SYT16: variants seen among roughly 807,000 people sequenced by gnomAD.
SYT16 encodes the protein synaptotagmin-16.
In SYT16, 42 loss-of-function variants were observed where a neutral mutation model predicts 61.4. The observed-to-expected ratio is 0.68, with a 90% CI of 0.53 to 0.89. The LOEUF (loss-of-function observed/expected upper bound fraction) is 0.89, where lower values mean the gene tolerates loss of function less well. Among genes scored for constraint, SYT16 ranks in the 40% least tolerant of loss-of-function variants. The pLI, the probability that SYT16 is intolerant of heterozygous loss-of-function variation, is 0.00. For synonymous variants in SYT16, 314 were observed against 302.3 expected, an observed-to-expected ratio of 1.04 and a Z score of -0.40; for missense variants, 804 against 807.3, an observed-to-expected ratio of 1.00 and a Z score of 0.05.
At chr14:61,925,211 C>A (rs976489268) in intron 1 of SYT16, among the ~76,000 whole-genome samples, 2 of 152,142 alleles carry the variant, frequency 1.3e-5, no homozygotes, top group African/African-American at 4.8e-5. Flanking sequence ...TCTTCGATTG[C>A]TTTTTCAATT....
At chr14:61,927,600 T>C (rs1423869211) in intron 1 of SYT16, among the ~76,000 whole-genome samples, 1 of 152,190 alleles carries the variant, frequency 6.6e-6, no homozygotes, top group Non-Finnish European at 1.5e-5. Flanking sequence ...ATGTGTTTTT[T>C]AAAAAATGAT....
At chr14:62,002,286 C>T (rs993995685) in intron 3 of SYT16, among the ~76,000 whole-genome samples, 25 of 152,002 alleles carry the variant, frequency 1.6e-4, no homozygotes, top group African/African-American at 4.8e-4. Context: ...TTGTTGTTAT[C>T]GTTCATCTCA....
chr14:62,022,475 C>T (rs2053947822), intron 3 of SYT16, among the ~76,000 whole-genome samples: 1 of 152,036 alleles, frequency 6.6e-6, no homozygotes, highest in African/African-American at 2.4e-5. Flanking sequence ...AGCAGTTTTA[C>T]CATGATGTAT....
intron 2 of SYT16, among the ~76,000 whole-genome samples, chr14:61,976,715 G>A (rs1372202333): frequency 1.3e-5 from 2 of 152,038 alleles, no homozygotes; most frequent in African/African-American, 2.4e-5. Context: ...AAAACATTTT[G>A]TCCTCCTAGG....
chr14:61,883,605 T>A (rs1330913485), intron 1 of SYT16, among the ~76,000 whole-genome samples: 4 of 152,202 alleles, frequency 2.6e-5, no homozygotes, highest in South Asian at 2.1e-4. Flanking sequence ...CATTTTTCTG[T>A]CATCTGAGCC....
In SYT16 at chr14:62,081,175, A is replaced by G. The variant is rs753630145; in HGVS notation, c.1335A>G (p.Arg445=). 6.2e-7 allele frequency: 1 copy of G among 1,613,970 alleles called. No individual in the cohort carries two copies. Among genetic ancestry groups the G allele is most frequent in the Non-Finnish European group, 8.5e-7 (1 of 1,179,890 alleles). The change falls in exon 6 of 8, where the codon CGA becomes CGG. Residue 445 remains arginine, a synonymous_variant. Coordinates refer to ENST00000683842, the MANE Select transcript of SYT16 (RefSeq NM_001367656.1). Reference sequence around the variant, plus strand: ...TGTACGCTGCCCGGAAGATGACCCGAGAGAGAATGATGGGAGAGAAACTAT... The same window carrying G: ...TGTACGCTGCCCGGAAGATGACCCGGGAGAGAATGATGGGAGAGAAACTAT... ...FRLYAARKMT[R]ERMMGEKLFY...
chr14:61,912,354 T>G (rs1398037357), intron 1 of SYT16, among the ~76,000 whole-genome samples: 1 of 152,234 alleles, frequency 6.6e-6, no homozygotes, highest in African/African-American at 2.4e-5. Context: ...TGACAGCGTT[T>G]CACACAAATG....
intron 3 of SYT16, among the ~76,000 whole-genome samples, chr14:62,054,891 T>C (rs2055477264): frequency 6.6e-6 from 1 of 152,186 alleles, no homozygotes; most frequent in Non-Finnish European, 1.5e-5. Flanking sequence ...GCTAGAAAGC[T>C]AGAAACTCAC....
intron 3 of SYT16, among the ~76,000 whole-genome samples, chr14:62,016,514 T>G (rs2053684663): frequency 7.3e-6 from 1 of 136,838 alleles, no homozygotes; most frequent in Non-Finnish European, 1.5e-5. Context: ...TAACACGGTG[T>G]GAAACCCTGT....
At chr14:61,986,217 A>C (rs891464003) in intron 2 of SYT16, among the ~76,000 whole-genome samples, 27 of 152,082 alleles carry the variant, frequency 1.8e-4, no homozygotes, top group Non-Finnish European at 2.6e-4. Flanking sequence ...GTTATTTATT[A>C]AGTTGTTTAA....
chr14:62,073,690 T>G (rs1025653391), intron 4 of SYT16, among the ~76,000 whole-genome samples: 3 of 152,192 alleles, frequency 2.0e-5, no homozygotes, highest in Non-Finnish European at 4.4e-5. Context: ...AAGATGTTTT[T>G]GTATGGTCTG....
rs76061042 is a variant in SYT16, at chr14:61,865,710, T to C, written c.-325+52900T>C. Among the ~76,000 whole-genome samples the C allele has an allele frequency of 7.9e-3, 1,201 of 152,324 alleles. 21 individuals are homozygous for C. Among genetic ancestry groups the C allele is most frequent in the African/African-American group, 0.028 (1,159 of 41,568 alleles). Reference sequence around the variant, plus strand: ...AAAGAGTTTTAAAAATTGTTATATATTGGGTGACTTATTAATGGATTATAC... The same window carrying C: ...AAAGAGTTTTAAAAATTGTTATATACTGGGTGACTTATTAATGGATTATAC... On this transcript the variant is annotated intron_variant, in intron 1 of 7. Coordinates refer to ENST00000683842, the MANE Select transcript of SYT16 (RefSeq NM_001367656.1).
intron 3 of SYT16, among the ~76,000 whole-genome samples, chr14:62,026,516 T>G (rs1447855580): frequency 2.6e-5 from 4 of 152,210 alleles, no homozygotes; most frequent in Non-Finnish European, 1.5e-5. Flanking sequence ...GTCTTAGTCC[T>G]ATTCAGGAAG....
At chr14:61,842,532 C>T (rs1407867955) in intron 1 of SYT16, among the ~76,000 whole-genome samples, 1 of 152,030 alleles carries the variant, frequency 6.6e-6, no homozygotes, top group Non-Finnish European at 1.5e-5. Context: ...CTGAATAGTA[C>T]TCTATTGTGT....
intron 1 of SYT16, among the ~76,000 whole-genome samples, chr14:61,939,952 C>A (rs898282024): frequency 6.6e-6 from 1 of 152,150 alleles, no homozygotes; most frequent in Non-Finnish European, 1.5e-5. Context: ...CTGATGTCAT[C>A]TGGGGGCTTT....
chr14:61,916,279 T>G (rs983222557), intron 1 of SYT16, among the ~76,000 whole-genome samples: 10 of 152,112 alleles, frequency 6.6e-5, no homozygotes, highest in African/African-American at 2.4e-4. Flanking sequence ...AAAAAATGAG[T>G]GAGAAACATA....
At chr14:61,829,278 T>A (rs756087366) in intron 1 of SYT16, among the ~76,000 whole-genome samples, 2 of 152,220 alleles carry the variant, frequency 1.3e-5, no homozygotes, top group Non-Finnish European at 2.9e-5. Flanking sequence ...CACTGTCATT[T>A]GAATTGTTAT....
chr14:61,966,532 G>T (rs1028375014), intron 1 of SYT16, among the ~76,000 whole-genome samples: 1 of 151,892 alleles, frequency 6.6e-6, no homozygotes, highest in African/African-American at 2.4e-5. Flanking sequence ...AAAACAGTGA[G>T]GTCTTTACAA....
intron 1 of SYT16, among the ~76,000 whole-genome samples, chr14:61,858,917 C>T (rs539035376): frequency 8.0e-5 from 12 of 149,444 alleles, no homozygotes; most frequent in East Asian, 7.9e-4. Context: ...TGCGGCTGTG[C>T]GATCTCGGCT....
Sources: gnomAD v4.1 joint callset for allele counts (sites outside exome capture counted in the v4.1 genomes callset) on GRCh38, gnomAD v4.1.1 for gene constraint, MANE v1.5 for transcripts, NCBI Gene and HGNC (gene_info 2026-07-23, HGNC 2026-07-21) for gene names.